Variants in SERPINB11 observed in about 807,000 individuals in gnomAD.
SERPINB11 encodes the protein serpin family B member 11.
In SERPINB11, 32 loss-of-function variants were observed where a neutral mutation model predicts 36.7. The observed-to-expected ratio is 0.87, with a 90% CI of 0.66 to 1.17. The LOEUF (loss-of-function observed/expected upper bound fraction) is 1.17, where lower values mean the gene tolerates loss of function less well. Among genes scored for constraint, SERPINB11 ranks in the 50% most tolerant of loss-of-function variants. SERPINB11 has a pLI of 0.00. For synonymous variants in SERPINB11, 174 were observed against 168.1 expected (o/e 1.04, Z -0.27); for missense variants, 528 against 458.4 (o/e 1.15, Z -1.39).
chr18:63,712,648 C>G lies in SERPINB11; in HGVS notation c.312C>G (p.Ser104Arg). The G allele has an allele frequency of 6.2e-7, 1 of 1,613,830 alleles. No individual in the cohort carries two copies. The highest frequency in any genetic ancestry group is 1.1e-5 in the South Asian group (1 of 91,076). ...AGCCAGACTCTAACTGTACCCTCAG[C>G]ATTGCCAACAGGCTCTACGGGACAA... ...INQPDSNCTL[S>R]IANRLYGTKT... is the part of the protein sequence containing the mutation. Residue 104 changes from serine to arginine, a missense_variant, in exon 4 of 8, where the codon AGC (serine) becomes AGG (arginine). Physicochemically the swap from Ser to Arg is moderately radical, Grantham distance 110. Coordinates refer to ENST00000544088, the MANE Select transcript of SERPINB11 (RefSeq NM_001370475.1).
At chr18:63,721,786 G>A (rs1285090522) in intron 7 of SERPINB11, among the ~76,000 whole-genome samples, 2 of 152,180 alleles carry the variant, frequency 1.3e-5, no homozygotes, top group Admixed American at 6.5e-5. Flanking sequence ...TTTGGATTAA[G>A]AAGTGAGACG....
intron 7 of SERPINB11, 132 bp downstream of exon 7, chr18:63,721,118 C>A: frequency 1.1e-6 from 1 of 888,776 alleles, no homozygotes; most frequent in Non-Finnish European, 1.7e-6. Flanking sequence ...GTAGGATTGT[C>A]CCGGGGGTGT....
chr18:63,706,858 G>A (rs899264676), intron 1 of SERPINB11, among the ~76,000 whole-genome samples: 3 of 152,152 alleles, frequency 2.0e-5, no homozygotes, highest in Admixed American at 6.5e-5. Context: ...CTTCTTCTCT[G>A]AAATCCTGGG....
At chr18:63,717,359 C>T (rs1163051614) in intron 5 of SERPINB11, among the ~76,000 whole-genome samples, 2 of 152,016 alleles carry the variant, frequency 1.3e-5, no homozygotes, top group African/African-American at 4.8e-5. Context: ...ATCCCTGGTA[C>T]ACATATGTAT....
intron 1 of SERPINB11, among the ~76,000 whole-genome samples, chr18:63,706,276 T>A (rs1485694539): frequency 1.3e-5 from 2 of 152,220 alleles, no homozygotes; most frequent in African/African-American, 4.8e-5. Flanking sequence ...TGACATATAT[T>A]CCCTTTTGGT....
rs1394851200 is a variant in SERPINB11 at position 63,723,188 on chromosome 18, C to A, written c.968C>A (p.Thr323Asn). The A allele has an allele frequency of 6.2e-7, 1 of 1,613,376 alleles. No individual in the cohort carries two copies. Among genetic ancestry groups the A allele is most frequent in the Non-Finnish European group, 8.5e-7 (1 of 1,179,622 alleles). Residue 323 changes from threonine to asparagine, a missense_variant, in exon 8 of 8, where the codon ACC becomes AAC. Transcript: ENST00000544088. ...VKADLSGMSP[T>N]KGLYLSKAIH... is the part of the protein sequence containing the mutation. ...GCTGATCTTTCTGGAATGTCACCAA[C>A]CAAGGGCCTATATTTATCAAAAGCC...
At chr18:63,708,207 T>G (rs1598959150) in intron 1 of SERPINB11, among the ~76,000 whole-genome samples, 1 of 152,352 alleles carries the variant, frequency 6.6e-6, no homozygotes, top group East Asian at 1.9e-4. Flanking sequence ...AGGGTCTTGC[T>G]GGTCACAGTA....
intron 3 of SERPINB11, 105 bp from the exon 4 acceptor site, chr18:63,712,460 C>A (rs1235165719): frequency 1.7e-6 from 2 of 1,150,746 alleles, no homozygotes; most frequent in Non-Finnish European, 2.5e-6. Flanking sequence ...GTATTCACAG[C>A]CCTTTTATTC....
intron 2 of SERPINB11, 128 bp from the exon 3 acceptor site, chr18:63,711,207 C>A: frequency 2.8e-6 from 2 of 704,058 alleles, no homozygotes; most frequent in Non-Finnish European, 4.9e-6. Flanking sequence ...ACTTGGAACA[C>A]ATTATTAAAT....
At chr18:63,708,684 G>A (rs1914434404) in intron 1 of SERPINB11, among the ~76,000 whole-genome samples, 1 of 152,192 alleles carries the variant, frequency 6.6e-6, no homozygotes, top group African/African-American at 2.4e-5. Context: ...ATCCAAGTGG[G>A]GATGTTGAGT....
chr18:63,719,520 G>T (rs759215253), intron 5 of SERPINB11, among the ~76,000 whole-genome samples: 3 of 152,018 alleles, frequency 2.0e-5, no homozygotes, highest in Non-Finnish European at 4.4e-5. Context: ...ATAATTTTAT[G>T]AATCTTGATT....
At chr18:63,708,945 T>A (rs1914442695) in intron 1 of SERPINB11, among the ~76,000 whole-genome samples, 1 of 152,082 alleles carries the variant, frequency 6.6e-6, no homozygotes, top group South Asian at 2.1e-4. Context: ...GAATGATGAC[T>A]CAGAAGTTAA....
intron 4 of SERPINB11, among the ~76,000 whole-genome samples, chr18:63,714,571 T>A (rs1914617722): frequency 6.6e-6 from 1 of 152,128 alleles, no homozygotes; most frequent in African/African-American, 2.4e-5. Context: ...TAGGAACGCA[T>A]TCTCTTTCTC....
chr18:63,716,219 C>T lies in SERPINB11; in HGVS notation c.475+67C>T, dbSNP rs1045062989. On this transcript the variant is annotated intron_variant, in intron 5 of 7. Transcript: ENST00000544088. ...TTGATAAGCAACCTGAGTCCACTTG[C>T]TAAAGAGGAAGCTGGCTGAAGTCTG... 3.3e-5 allele frequency: 33 copies of T among 995,534 alleles called. 1 individual carries two copies. Among genetic ancestry groups the T allele is most frequent in the Non-Finnish European group, 4.2e-5 (28 of 658,836 alleles). The allele number at this position is 995,534 out of a possible 1,614,324, so 61.7% of individuals were successfully genotyped here.
At chr18:63,715,818 A>G (rs891258183) in intron 4 of SERPINB11, among the ~76,000 whole-genome samples, 1 of 152,248 alleles carries the variant, frequency 6.6e-6, no homozygotes, top group African/African-American at 2.4e-5. Flanking sequence ...AAGTAACAAC[A>G]AAACATTTCT....
At position 63,710,252 on chromosome 18, in the gene SERPINB11, A is replaced by G; in HGVS notation, c.59A>G (p.Asn20Ser). The stretch of plus-strand genomic sequence containing the variant: ...TGCCTTGATGTGTTCAAAGAGCTGA[A>G]CAGTAACAACATAGGAGATAACATC... ...EFCLDVFKEL[N>S]SNNIGDNIFF... Residue 20 changes from asparagine (N) to serine (S), a missense_variant, in exon 2 of 8, where the codon AAC (asparagine) becomes AGC (serine). By Grantham distance (46) the Asn-to-Ser change is conservative. Transcript: ENST00000544088. 1 of 1,613,760 alleles carries G rather than the reference A, an allele frequency of 6.2e-7. No homozygotes were observed. The highest frequency in any genetic ancestry group is 1.3e-5 in the African/African-American group (1 of 75,058).
intron 4 of SERPINB11, among the ~76,000 whole-genome samples, chr18:63,714,039 G>A (rs1914598746): frequency 6.6e-6 from 1 of 152,060 alleles, no homozygotes; most frequent in Non-Finnish European, 1.5e-5. Flanking sequence ...TAGTATATTG[G>A]GGGAACCCGC....
In SERPINB11 at chr18:63,720,049, A is replaced by T. The variant is rs1193086089; in HGVS notation, c.512A>T (p.Asp171Val). The T allele has an allele frequency of 6.2e-7, 1 of 1,609,554 alleles. No individual in the cohort carries two copies. The highest frequency in any genetic ancestry group is 8.5e-7 in the Non-Finnish European group (1 of 1,177,856). ...AATCTCTTTGGAAAGAGCACAATTGACCCTTCATCTGTAATGGTCCTGGTG... is the reference window on the plus strand; with the variant it reads ...AATCTCTTTGGAAAGAGCACAATTGTCCCTTCATCTGTAATGGTCCTGGTG... Reference protein sequence around the residue: ...VANLFGKSTIDPSSVMVLVNA... With the variant: ...VANLFGKSTIVPSSVMVLVNA... The change falls in exon 6 of 8, where the codon GAC (aspartate) becomes GTC (valine). Residue 171 changes from aspartate (D) to valine (V), a missense_variant. Asp to Val is a radical substitution (Grantham distance 152). Coordinates refer to ENST00000544088, the MANE Select transcript of SERPINB11 (RefSeq NM_001370475.1).
chr18:63,703,842 T>C (rs142071067), intron 1 of SERPINB11, among the ~76,000 whole-genome samples: 131 of 152,354 alleles, frequency 8.6e-4, no homozygotes, highest in Non-Finnish European at 1.4e-3. Flanking sequence ...CTTCCACACG[T>C]ATCCCAAATA....
Sources: allele counts gnomAD v4.1 joint callset (sites outside exome capture counted in the v4.1 genomes callset), GRCh38; gene constraint gnomAD v4.1.1; transcripts MANE v1.5; gene names NCBI Gene and HGNC (gene_info 2026-07-23, HGNC 2026-07-21).